ART3: variants seen among roughly 807,000 people sequenced by gnomAD.
ART3 encodes ADP-ribosyltransferase 3 (inactive), also known as ecto-ADP-ribosyltransferase 3.
A neutral mutation model predicts 48.5 loss-of-function variants in ART3; 49 were observed. The ratio of observed to expected loss-of-function variants is 1.01; its 90% confidence interval spans 0.80 to 1.28. The LOEUF is 1.28. Ranked by LOEUF, ART3 falls within the 50% of genes most tolerant of loss-of-function variation. The pLI is 0.00. For synonymous variants in ART3, 145 were observed against 157.2 expected, an observed-to-expected ratio of 0.92 and a Z score of 0.58; for missense variants, 438 against 454.3, an observed-to-expected ratio of 0.96 and a Z score of 0.33.
At chr4:76,012,083 T>C (rs913222409) in intron 1 of ART3, 1 of 152,218 alleles carries the variant, frequency 6.6e-6, no homozygotes, top group Non-Finnish European at 1.5e-5. Context: ...CAGTTCTGTG[T>C]CCGTAGGGGA....
At position 76,107,901 on chromosome 4, in the gene ART3, A is replaced by C. The variant is rs142286313; in HGVS notation, c.1036+108A>C. Reference sequence around the variant, plus strand: ...AAGGGAACAAAGTTGCAAGGTTTTAAGGCATCTTAATAACAGAGTATAATG... The same window carrying C: ...AAGGGAACAAAGTTGCAAGGTTTTACGGCATCTTAATAACAGAGTATAATG... On this transcript the variant is annotated intron_variant, in intron 11 of 11. Transcript: ENST00000355810. 1.5e-4 allele frequency: 132 copies of C among 882,754 alleles called. 2 individuals are homozygous for C. The African/African-American group carries it at 2.0e-3, about 13-fold the overall frequency. 54.7% of individuals were successfully genotyped at this position (882,754 alleles called of 1,614,324 possible). A position where few individuals can be genotyped will look rare whatever the true frequency, so the allele number is the denominator to read the frequency against.
intron 10 of ART3, among the ~76,000 whole-genome samples, chr4:76,105,139 C>T (rs138422423): frequency 1.6e-3 from 237 of 152,230 alleles, no homozygotes; most frequent in Non-Finnish European, 2.6e-3. Flanking sequence ...TGAAGTGAAC[C>T]TCTAGTGACA....
intron 3 of ART3, among the ~76,000 whole-genome samples, chr4:76,082,894 T>C (rs144035275): frequency 9.2e-5 from 14 of 152,070 alleles, no homozygotes; most frequent in African/African-American, 3.4e-4. Context: ...AGACAATGCA[T>C]AGGACAGCCC....
intron 1 of ART3, among the ~76,000 whole-genome samples, chr4:76,028,978 A>G (rs77182593): frequency 0.011 from 1,674 of 152,346 alleles, 27 homozygotes; most frequent in African/African-American, 0.037. Context: ...ATTGGAGGAC[A>G]TTATAATAAA....
chr4:76,086,434 A>C (rs1306028102), intron 3 of ART3, among the ~76,000 whole-genome samples: 1 of 152,324 alleles, frequency 6.6e-6, no homozygotes, highest in South Asian at 2.1e-4. Flanking sequence ...CAAAAACGAG[A>C]GAATGAAACA....
chr4:76,100,794 G>C lies in ART3; in HGVS notation c.878-1G>C, dbSNP rs1248261419. 6.2e-7 allele frequency: 1 copy of C among 1,611,710 alleles called. No individual in the cohort carries two copies. Among genetic ancestry groups the C allele is most frequent in the Non-Finnish European group, 8.5e-7 (1 of 1,179,532 alleles). The stretch of plus-strand genomic sequence containing the variant: ...CTGATGAGCTTCTTTTTGTGACTCA[G>C]GTGAGAAAAACTGGAAGCTTGAAGA... On this transcript the variant is annotated splice_acceptor_variant, in intron 6 of 11. Coordinates refer to ENST00000355810, the MANE Select transcript of ART3 (RefSeq NM_001130016.3). LOFTEE classifies it high-confidence loss of function.
intron 1 of ART3, among the ~76,000 whole-genome samples, chr4:76,059,815 A>G (rs1056141295): frequency 1.3e-5 from 2 of 152,244 alleles, no homozygotes; most frequent in African/African-American, 4.8e-5. Context: ...TTGGAGAACT[A>G]TCAAGTTTGT....
intron 1 of ART3, chr4:76,034,907 T>TA: frequency 7.3e-7 from 1 of 1,369,762 alleles, no homozygotes; most frequent in South Asian, 1.2e-5. Context: ...GGGAAGCTGT[T>TA]ACAACCAAGG....
At chr4:76,050,968 C>T (rs1032167993) in intron 1 of ART3, among the ~76,000 whole-genome samples, 3 of 152,210 alleles carry the variant, frequency 2.0e-5, no homozygotes, top group Admixed American at 2.0e-4. Context: ...GCCCGCCAAG[C>T]CCACGCCTAC....
At chr4:76,088,038 G>T (rs1231583600) in intron 3 of ART3, among the ~76,000 whole-genome samples, 1 of 152,016 alleles carries the variant, frequency 6.6e-6, no homozygotes, top group Non-Finnish European at 1.5e-5. Context: ...GGTGCAGCCT[G>T]GGCAACATAA....
rs141171871 is a variant in ART3 at position 76,112,763 on chromosome 4, A to G, written c.*244A>G. 8.0e-4 allele frequency: 279 copies of G among 348,780 alleles called. 3 individuals are homozygous for G. In the East Asian group the frequency reaches 0.014, roughly 18 times the overall value. 21.6% of individuals were successfully genotyped at this position (348,780 alleles called of 1,614,324 possible). A position where few individuals can be genotyped will look rare whatever the true frequency, so the allele number is the denominator to read the frequency against. On this transcript the variant is annotated 3_prime_UTR_variant, in exon 12 of 12. Coordinates refer to ENST00000355810, the MANE Select transcript of ART3 (RefSeq NM_001130016.3). ...CCGAAAACTGTATACTTCTGATTAAATTCAATAAAAGATTTTGATTAGATA... is the reference window on the plus strand; with the variant it reads ...CCGAAAACTGTATACTTCTGATTAAGTTCAATAAAAGATTTTGATTAGATA...
intron 8 of ART3, among the ~76,000 whole-genome samples, chr4:76,101,979 A>C (rs1208512710): frequency 6.6e-6 from 1 of 152,244 alleles, no homozygotes; most frequent in Non-Finnish European, 1.5e-5. Flanking sequence ...TGCCTATCAC[A>C]GTGTTATGGT....
intron 1 of ART3, among the ~76,000 whole-genome samples, chr4:76,061,908 C>A (rs1417704242): frequency 6.6e-6 from 1 of 152,212 alleles, no homozygotes; most frequent in African/African-American, 2.4e-5. Flanking sequence ...TTGTGAACCA[C>A]TGAAGTGGAT....
At position 76,103,968 on chromosome 4, in the gene ART3, T is replaced by G; in HGVS notation, c.969T>G (p.Pro323=). 2 of 1,613,520 alleles carry G rather than the reference T, an allele frequency of 1.2e-6. No homozygotes were observed. The highest frequency in any genetic ancestry group is 1.7e-6 in the Non-Finnish European group (2 of 1,179,618). ...GVKILEPTQI[P]GMKIPEPFPL... ...AAATCCTTGAACCCACCCAAATACC[T>G]GGTAAGACAGCTTTCTATTTACTCC... Residue 323 remains proline, a splice_region_variant and synonymous_variant, in exon 9 of 12, where the codon CCT becomes CCG. Transcript: ENST00000355810.
intron 1 of ART3, chr4:76,023,575 A>AC: frequency 1.5e-6 from 1 of 656,718 alleles, no homozygotes; most frequent in South Asian, 2.2e-5. Context: ...TAAGGGCATT[A>AC]CAGTTGACTT....
At chr4:76,086,533 G>A (rs1723612875) in intron 3 of ART3, among the ~76,000 whole-genome samples, 1 of 152,188 alleles carries the variant, frequency 6.6e-6, no homozygotes, top group Admixed American at 6.5e-5. Flanking sequence ...CAGATTTGGA[G>A]ATCTAATGTG....
intron 1 of ART3, among the ~76,000 whole-genome samples, chr4:76,064,454 T>C (rs1455905977): frequency 6.6e-6 from 1 of 152,216 alleles, no homozygotes; most frequent in African/African-American, 2.4e-5. Context: ...ATCATGACAT[T>C]GAAACAGCAG....
At chr4:76,091,569 C>T (rs373897394) in intron 3 of ART3, among the ~76,000 whole-genome samples, 7 of 151,428 alleles carry the variant, frequency 4.6e-5, no homozygotes, top group African/African-American at 1.5e-4. Context: ...TTTTTGTCCA[C>T]TTTTAATGAG....
chr4:76,017,403 C>T (rs1310433103), intron 1 of ART3, among the ~76,000 whole-genome samples: 1 of 152,002 alleles, frequency 6.6e-6, no homozygotes, highest in African/African-American at 2.4e-5. Context: ...GGCCTCATGA[C>T]TCTCTGCCCA....
Sources: allele counts gnomAD v4.1 joint callset (sites outside exome capture counted in the v4.1 genomes callset), GRCh38; gene constraint gnomAD v4.1.1; transcripts MANE v1.5; gene names NCBI Gene and HGNC (gene_info 2026-07-23, HGNC 2026-07-21).